FGF14: variants seen among roughly 807,000 people sequenced by gnomAD.
The protein encoded by FGF14 is fibroblast growth factor homologous factor 4.
Under a neutral mutation model 25.5 loss-of-function variants are expected in FGF14, and 5 were observed. That is an observed-to-expected ratio of 0.20 (90% confidence interval 0.10 to 0.41). FGF14 has a LOEUF of 0.41. FGF14 is among the 10% of genes least tolerant of loss of function. FGF14 has a pLI of 1.00. For missense variants in FGF14, 222 were observed against 320.1 expected (o/e 0.69, Z 2.34); for synonymous variants, 138 against 118.3 (o/e 1.17, Z -1.08).
intron 1 of FGF14, among the ~76,000 whole-genome samples, chr13:102,125,845 G>A (rs2045927907): frequency 6.6e-6 from 1 of 152,048 alleles, no homozygotes; most frequent in Non-Finnish European, 1.5e-5. Flanking sequence ...GGCAACTGAT[G>A]CTGTGGATAT....
chr13:102,235,484 C>A (rs2051286509), intron 1 of FGF14, among the ~76,000 whole-genome samples: 1 of 152,162 alleles, frequency 6.6e-6, no homozygotes, highest in African/African-American at 2.4e-5. Context: ...CAGGCACCAC[C>A]TACATCTCAT....
chr13:102,284,550 A>G (rs924701370), intron 1 of FGF14, among the ~76,000 whole-genome samples: 2 of 152,134 alleles, frequency 1.3e-5, no homozygotes, highest in African/African-American at 2.4e-5. Context: ...ATTGGTCTAG[A>G]TGCTCTCTAG....
intron 1 of FGF14, among the ~76,000 whole-genome samples, chr13:102,085,306 G>C (rs891636000): frequency 1.3e-5 from 2 of 152,144 alleles, no homozygotes; most frequent in Non-Finnish European, 2.9e-5. Flanking sequence ...GTATGTGCCA[G>C]GCATTGTACT....
chr13:101,801,352 A>T (rs1313386212), intron 3 of FGF14, among the ~76,000 whole-genome samples: 1 of 151,360 alleles, frequency 6.6e-6, no homozygotes, highest in African/African-American at 2.4e-5. Flanking sequence ...GATGTTGACA[A>T]TTTTTTTTTT....
intron 3 of FGF14, among the ~76,000 whole-genome samples, chr13:101,752,057 G>A (rs2037319036): frequency 1.3e-5 from 2 of 152,038 alleles, no homozygotes; most frequent in Non-Finnish European, 2.9e-5. Flanking sequence ...TAATATTCAT[G>A]TTGATTCATT....
chr13:101,890,949 A>C (rs1218371342), intron 1 of FGF14, among the ~76,000 whole-genome samples: 2 of 152,118 alleles, frequency 1.3e-5, no homozygotes, highest in East Asian at 3.9e-4. Flanking sequence ...ATTGATAAGA[A>C]GACAAGGGGA....
At chr13:101,911,544 G>A (rs1429490346) in intron 1 of FGF14, among the ~76,000 whole-genome samples, 1 of 152,110 alleles carries the variant, frequency 6.6e-6, no homozygotes, top group African/African-American at 2.4e-5. Context: ...AATATGGACT[G>A]TGAAATCATA....
intron 1 of FGF14, among the ~76,000 whole-genome samples, chr13:101,969,717 ACAAGTTG>A (rs1464662900): frequency 6.6e-6 from 1 of 152,236 alleles, no homozygotes; most frequent in Admixed American, 6.5e-5. Context: ...TTTTGTATGA[ACAAGTTG>A]CTGCCTAGAG....
intron 1 of FGF14, among the ~76,000 whole-genome samples, chr13:102,205,223 T>C (rs1307934015): frequency 6.6e-6 from 1 of 152,332 alleles, no homozygotes; most frequent in South Asian, 2.1e-4. Context: ...CTGGGAATTA[T>C]TTAACTTCTA....
rs151320760 is a variant in FGF14, at chr13:101,725,543, T to A, written c.607+1069A>T. Among the ~76,000 whole-genome samples the A allele has an allele frequency of 1.4e-3, 220 of 152,206 alleles. 1 individual carries two copies. The East Asian group carries it at 0.034, about 24-fold the overall frequency. ...AGCGATTTTCTGAATTTAGGCAAAT[T>A]GAAAATTATACACTCACAGATGATG... On this transcript the variant is annotated intron_variant, in intron 4 of 4. Coordinates refer to ENST00000376143, the MANE Select transcript of FGF14 (RefSeq NM_004115.4).
At chr13:102,361,222 C>CAGAA (rs1434211469) in intron 1 of FGF14, among the ~76,000 whole-genome samples, 1 of 152,108 alleles carries the variant, frequency 6.6e-6, no homozygotes, top group African/African-American at 2.4e-5. Context: ...TCATCATCAA[C>CAGAA]AGAAAGTCAG....
At chr13:102,275,260 CTT>C (rs1491244536) in intron 1 of FGF14, among the ~76,000 whole-genome samples, 5,156 of 55,772 alleles carry the variant, frequency 0.092, 426 homozygotes, top group East Asian at 0.2. Flanking sequence ...CTCTCTCTCT[CTT>C]TCTCTCTCTC....
intron 1 of FGF14, among the ~76,000 whole-genome samples, chr13:101,970,528 C>G (rs963860655): frequency 9.9e-5 from 15 of 152,130 alleles, no homozygotes; most frequent in African/African-American, 3.1e-4. Flanking sequence ...ACTAAAGAAG[C>G]CTTAGAATCA....
chr13:102,358,008 A>G (rs928004047), intron 1 of FGF14, among the ~76,000 whole-genome samples: 2 of 152,202 alleles, frequency 1.3e-5, no homozygotes, highest in Non-Finnish European at 2.9e-5. Context: ...GATTATTTCT[A>G]TTTTGACCAG....
At chr13:101,999,282 A>C (rs2039352811) in intron 1 of FGF14, among the ~76,000 whole-genome samples, 1 of 152,224 alleles carries the variant, frequency 6.6e-6, no homozygotes, top group Admixed American at 6.5e-5. Flanking sequence ...TTTCTAGATG[A>C]GAGTCAAAAG....
chr13:101,752,895 T>C (rs2139849703), intron 3 of FGF14, among the ~76,000 whole-genome samples: 1 of 152,310 alleles, frequency 6.6e-6, no homozygotes, highest in Non-Finnish European at 1.5e-5. Context: ...TTCTAAAAAA[T>C]ATTATTTATC....
intron 3 of FGF14, among the ~76,000 whole-genome samples, chr13:101,800,417 ATAATAG>A (rs1236440485): frequency 6.6e-6 from 1 of 152,162 alleles, no homozygotes; most frequent in East Asian, 1.9e-4. Context: ...TTCATATAAA[ATAATAG>A]TAATAACAGT....
intron 1 of FGF14, among the ~76,000 whole-genome samples, chr13:102,375,987 A>C (rs1392697214): frequency 6.6e-6 from 1 of 152,198 alleles, no homozygotes; most frequent in Non-Finnish European, 1.5e-5. Flanking sequence ...ATTGACATCG[A>C]AATTTTAAGG....
chr13:102,370,394 T>C (rs1485243296), intron 1 of FGF14, among the ~76,000 whole-genome samples: 1 of 152,204 alleles, frequency 6.6e-6, no homozygotes, highest in Non-Finnish European at 1.5e-5. Context: ...AATAGATACA[T>C]ACATATATTT....
Sources: allele counts gnomAD v4.1 joint callset (sites outside exome capture counted in the v4.1 genomes callset), GRCh38; gene constraint gnomAD v4.1.1; transcripts MANE v1.5; gene names NCBI Gene and HGNC (gene_info 2026-07-23, HGNC 2026-07-21).